Variants in SYNPO2 observed in about 807,000 individuals in gnomAD.
The protein encoded by SYNPO2 is synaptopodin-2.
Under a neutral mutation model 85.0 loss-of-function variants are expected in SYNPO2, and 56 were observed. The ratio of observed to expected loss-of-function variants is 0.66; its 90% CI spans 0.53 to 0.82. The LOEUF is 0.82. Ranked by LOEUF, SYNPO2 falls within the 40% of genes least tolerant of loss-of-function variation. SYNPO2 has a pLI of 0.00. For synonymous variants in SYNPO2, 602 were observed against 591.1 expected (o/e 1.02, Z -0.27); for missense variants, 1,575 against 1,534.2 (o/e 1.03, Z -0.44).
chr4:118,934,303 A>G (rs1178629356), intron 1 of SYNPO2, among the ~76,000 whole-genome samples: 1 of 152,174 alleles, frequency 6.6e-6, no homozygotes, highest in African/African-American at 2.4e-5. Context: ...TGATGTGATC[A>G]GGTCCAGGTC....
At chr4:118,989,977 C>T (rs1736351438) in intron 1 of SYNPO2, among the ~76,000 whole-genome samples, 1 of 152,216 alleles carries the variant, frequency 6.6e-6, no homozygotes, top group Admixed American at 6.5e-5. Flanking sequence ...GATGAATATA[C>T]ATGGCCTCTG....
chr4:118,898,730 GGCCGACGGCCCC>G (rs1434412671), intron 1 of SYNPO2, among the ~76,000 whole-genome samples: 2 of 152,192 alleles, frequency 1.3e-5, no homozygotes, highest in African/African-American at 4.8e-5. Context: ...CTTGTTCACA[GGCCGACGGCCCC>G]GCTGTGGCAC....
intron 1 of SYNPO2, among the ~76,000 whole-genome samples, chr4:118,969,353 A>G (rs950753910): frequency 3.3e-5 from 5 of 152,240 alleles, no homozygotes; most frequent in African/African-American, 7.2e-5. Context: ...GACTAAAAAT[A>G]TATTTCCAAA....
chr4:119,036,068 C>A (rs1204883625), intron 4 of SYNPO2: 2 of 985,242 alleles, frequency 2.0e-6, no homozygotes, highest in African/African-American at 3.5e-5. Context: ...TCATTTCATC[C>A]AGTTATAAAC....
upstream of SYNPO2, among the ~76,000 whole-genome samples, chr4:118,884,135 C>T (rs1416349002): frequency 6.6e-6 from 1 of 152,170 alleles, no homozygotes; most frequent in Admixed American, 6.5e-5. Flanking sequence ...CAAATCTGCT[C>T]TTTGTTTCTG....
chr4:118,964,660 C>T (rs1735243889), intron 1 of SYNPO2, among the ~76,000 whole-genome samples: 1 of 152,126 alleles, frequency 6.6e-6, no homozygotes, highest in South Asian at 2.1e-4. Flanking sequence ...TCTTCCCTCC[C>T]ACTCTTTGAT....
Position 119,030,697 on chromosome 4 carries a change from C to G in SYNPO2, c.1922C>G (p.Ala641Gly). The change falls in exon 4 of 5, where the codon GCT (alanine) becomes GGT (glycine). Residue 641 changes from alanine to glycine, a missense_variant. Around this residue, in one of 3 missense-constraint regions of SYNPO2, gnomAD observed 1,508 missense variants for 1,446.8 expected, o/e 1.04. Coordinates refer to ENST00000307142, the MANE Select transcript of SYNPO2 (RefSeq NM_133477.3). ...AFSRGVSSPI[A>G]GPAQPPPWPQ... ...TCCAGAGGGGTTTCAAGTCCGATTG[C>G]TGGCCCAGCACAGCCCCCTCCATGG... 1.2e-6 allele frequency: 2 copies of G among 1,614,178 alleles called. No individual in the cohort carries two copies. Among genetic ancestry groups the G allele is most frequent in the Non-Finnish European group, 1.7e-6 (2 of 1,180,030 alleles).
intron 1 of SYNPO2, among the ~76,000 whole-genome samples, chr4:118,988,049 A>G (rs1471975353): frequency 1.3e-5 from 2 of 152,226 alleles, no homozygotes; most frequent in Non-Finnish European, 2.9e-5. Flanking sequence ...GCTCAAATTC[A>G]AACATAACAA....
chr4:118,878,948 C>T (rs535818425), intron 1 of SYNPO2, among the ~76,000 whole-genome samples: 51 of 152,304 alleles, frequency 3.3e-4, no homozygotes, highest in Non-Finnish European at 5.7e-4. Flanking sequence ...GTCCGCACTA[C>T]CTCTAAGAGC....
intron 1 of SYNPO2, among the ~76,000 whole-genome samples, chr4:119,017,119 T>C (rs1737553565): frequency 1.3e-5 from 2 of 152,204 alleles, no homozygotes; most frequent in South Asian, 2.1e-4. Flanking sequence ...ATTGAGGTAC[T>C]GAGTGTAGAA....
intron 1 of SYNPO2, among the ~76,000 whole-genome samples, chr4:118,871,098 C>A (rs1185222245): frequency 6.6e-6 from 1 of 152,084 alleles, no homozygotes; most frequent in Admixed American, 6.6e-5. Flanking sequence ...TACCCAGCAC[C>A]TTGTTTGGTC....
chr4:118,868,047 T>TA (rs548315000), intron 1 of SYNPO2, among the ~76,000 whole-genome samples: 23,515 of 126,778 alleles, frequency 0.19, 2,171 homozygotes, highest in Middle Eastern at 0.31. Flanking sequence ...CTCCTTTCAT[T>TA]TAAAAAAAAA....
At chr4:118,958,387 A>T (rs1034161218) in intron 1 of SYNPO2, among the ~76,000 whole-genome samples, 11 of 152,164 alleles carry the variant, frequency 7.2e-5, no homozygotes, top group African/African-American at 2.4e-4. Context: ...TGTATGAAAT[A>T]TGCATTTCTT....
At chr4:118,900,699 C>CTA (rs1339820717) in intron 1 of SYNPO2, among the ~76,000 whole-genome samples, 223 of 29,338 alleles carry the variant, frequency 7.6e-3, no homozygotes, top group Non-Finnish European at 9.7e-3. Context: ...CTCTCTCTCT[C>CTA]TCTCTATATA....
intron 1 of SYNPO2, among the ~76,000 whole-genome samples, chr4:119,000,418 T>C (rs1411670802): frequency 2.0e-5 from 3 of 152,166 alleles, no homozygotes; most frequent in African/African-American, 4.8e-5. Context: ...CCCTTTGATA[T>C]GTCCAAGCTG....
At chr4:118,964,179 G>C (rs1327459945) in intron 1 of SYNPO2, among the ~76,000 whole-genome samples, 2 of 152,186 alleles carry the variant, frequency 1.3e-5, no homozygotes, top group Non-Finnish European at 2.9e-5. Context: ...GCTGTGTGTG[G>C]TGGCTCATGC....
chr4:118,921,976 A>T (rs1478604480), intron 1 of SYNPO2, among the ~76,000 whole-genome samples: 1 of 152,184 alleles, frequency 6.6e-6, no homozygotes, highest in East Asian at 1.9e-4. Flanking sequence ...GTCACTTAAC[A>T]CATTGTTTCA....
Position 118,964,120 on chromosome 4 carries a change from G to A in SYNPO2, c.106-59310G>A, listed in dbSNP as rs575374798. Among the ~76,000 whole-genome samples, 200 of 152,278 alleles carry A rather than the reference G, an allele frequency of 1.3e-3. 1 individual carries two copies. The highest frequency in any genetic ancestry group is 4.6e-3 in the African/African-American group (192 of 41,562). ...AGCATATGGAGCAGGTGCCAAGGAA[G>A]TTTTGGGGGATAAAGATAAATAATA... On this transcript the variant is annotated intron_variant, in intron 1 of 4. Transcript: ENST00000307142.
rs139761639 is a variant in SYNPO2, at chr4:118,852,304, A to T, written c.12+1364A>T. 7.8e-3 allele frequency among the ~76,000 whole-genome samples: 1,186 copies of T among 152,348 alleles called. 12 individuals carry two copies. Among genetic ancestry groups the T allele is most frequent in the African/African-American group, 0.026 (1,070 of 41,578 alleles). ...AATTAGTTCAACCATTGTGGAAGAC[A>T]GTGTGGTGATTCCTCAAAGACCTAA... On this transcript the variant is annotated intron_variant, in intron 1 of 4. Transcript: ENST00000610556.
Sources: gnomAD v4.1 joint callset for allele counts (sites outside exome capture counted in the v4.1 genomes callset) on GRCh38, gnomAD v4.1.1 for gene constraint, gnomAD v4.1.1 regional missense constraint, MANE v1.5 for transcripts, NCBI Gene and HGNC (gene_info 2026-07-23, HGNC 2026-07-21) for gene names.